BRWD3: variants seen among roughly 807,000 people sequenced by gnomAD.
BRWD3 encodes the protein bromodomain and WD repeat domain containing 3.
In BRWD3, 10 loss-of-function variants were observed where a neutral mutation model predicts 149.7. The ratio of observed to expected loss-of-function variants is 0.07; its 90% CI spans 0.04 to 0.11. The LOEUF is 0.11. BRWD3 is among the 10% of genes least tolerant of loss of function. The pLI is 1.00. For synonymous variants in BRWD3, 504 were observed against 456.7 expected (o/e 1.10, Z -1.32); for missense variants, 940 against 1,373.2 (o/e 0.68, Z 4.99).
chrX:80,766,770 G>A (rs775304535), intron 6 of BRWD3, among the ~76,000 whole-genome samples: 22 of 112,347 alleles, frequency 2.0e-4, no homozygotes, highest in Non-Finnish European at 3.0e-4. Flanking sequence ...TGGACAGTGG[G>A]TGCAGCCCTC....
intron 5 of BRWD3, among the ~76,000 whole-genome samples, 163 bp from the exon 6 acceptor site, chrX:80,792,115 A>T (rs952016896): frequency 8.9e-6 from 1 of 112,600 alleles, no homozygotes; most frequent in Non-Finnish European, 1.9e-5. Flanking sequence ...TATAAACTAA[A>T]TTTATAACTG....
intron 6 of BRWD3, among the ~76,000 whole-genome samples, chrX:80,767,261 A>T (rs960846130): frequency 8.9e-6 from 1 of 111,751 alleles, no homozygotes; most frequent in African/African-American, 3.3e-5. Context: ...AGGTTCCCTG[A>T]CCCCTGTGTA....
chrX:80,756,276 C>A (rs2073735546), intron 6 of BRWD3, among the ~76,000 whole-genome samples: 2 of 109,437 alleles, frequency 1.8e-5, no homozygotes, highest in African/African-American at 6.6e-5. Context: ...GTGAGGTGGG[C>A]AGATCACCTG....
chrX:80,695,338 A>G (rs960575813), intron 27 of BRWD3, among the ~76,000 whole-genome samples: 1 of 112,100 alleles, frequency 8.9e-6, no homozygotes, highest in African/African-American at 3.2e-5. Context: ...CTACAATTAG[A>G]TTTTTAAAAT....
At chrX:80,706,254 C>T (rs2072862999) in intron 22 of BRWD3, among the ~76,000 whole-genome samples, 1 of 110,325 alleles carries the variant, frequency 9.1e-6, no homozygotes. Context: ...GATTACAGGC[C>T]TCTGCCACCA....
At chrX:80,758,154 G>A (rs181404213) in intron 6 of BRWD3, among the ~76,000 whole-genome samples, 8 of 110,874 alleles carry the variant, frequency 7.2e-5, no homozygotes, top group East Asian at 2.8e-4. Context: ...AGCCAAGATC[G>A]CGCCATTGCA....
At chrX:80,802,528 G>T (rs182634498) in intron 4 of BRWD3, among the ~76,000 whole-genome samples, 1 of 108,694 alleles carries the variant, frequency 9.2e-6, no homozygotes. Context: ...TAACATCTGG[G>T]GTCATAGTTC....
chrX:80,721,816 G>C (rs776175317), intron 17 of BRWD3, among the ~76,000 whole-genome samples: 1 of 111,601 alleles, frequency 9.0e-6, no homozygotes, highest in Admixed American at 9.6e-5. Context: ...ACGAGGATAG[G>C]TAAATAGCTA....
At chrX:80,753,842 A>T (rs1289828927) in intron 6 of BRWD3, among the ~76,000 whole-genome samples, 1 of 110,475 alleles carries the variant, frequency 9.1e-6, no homozygotes, top group Non-Finnish European at 1.9e-5. Context: ...AAATATGTAG[A>T]TTTATTTCTG....
chrX:80,681,196 G>T, intron 40 of BRWD3, 145 bp downstream of exon 40: 1 of 542,195 alleles, frequency 1.8e-6, no homozygotes, highest in Non-Finnish European at 2.9e-6. Flanking sequence ...AATATGAAAT[G>T]CCATCTGACT....
chrX:80,808,506 G>C, intron 4 of BRWD3, 33 bp downstream of exon 4: 1 of 1,172,903 alleles, frequency 8.5e-7, no homozygotes, highest in African/African-American at 1.8e-5. Flanking sequence ...TGGTGAAAGA[G>C]TTAGGTTAAG....
At chrX:80,735,623 T>C (rs1248447206) in intron 9 of BRWD3, among the ~76,000 whole-genome samples, 1 of 109,685 alleles carries the variant, frequency 9.1e-6, no homozygotes, top group Non-Finnish European at 1.9e-5. Context: ...GCTAACACGG[T>C]GAAACCCTGT....
At chrX:80,727,403 A>G (rs1472895895) in intron 14 of BRWD3, among the ~76,000 whole-genome samples, 1 of 110,767 alleles carries the variant, frequency 9.0e-6, no homozygotes. Flanking sequence ...CACTTTTCCA[A>G]TTGTATCTGG....
chrX:80,734,305 A>G lies in BRWD3; in HGVS notation c.986-87T>C, dbSNP rs1432051438. 31 of 606,415 alleles carry G rather than the reference A, an allele frequency of 5.1e-5. No homozygotes were observed. The Admixed American group carries it at 7.6e-4, about 15-fold the overall frequency. 50.0% of individuals were successfully genotyped at this position (606,415 alleles called of 1,213,427 possible). A position where few individuals can be genotyped will look rare whatever the true frequency, so the allele number is the denominator to read the frequency against. ...CTTCCTTAGTTGTATGCTACCTTGC[A>G]TTAGTAAAAAGGCTTAAAGAAACAC... is the stretch of plus-strand genomic sequence containing the variant. On this transcript the variant is annotated intron_variant, in intron 10 of 40. Transcript: ENST00000373275.
At chrX:80,777,057 T>C (rs1305885770) in intron 6 of BRWD3, among the ~76,000 whole-genome samples, 1 of 107,015 alleles carries the variant, frequency 9.3e-6, no homozygotes. Flanking sequence ...TGGTCCTTAG[T>C]TGATTATGCT....
chrX:80,697,637 T>C (rs1333418525), intron 25 of BRWD3, among the ~76,000 whole-genome samples: 1 of 111,730 alleles, frequency 9.0e-6, no homozygotes, highest in East Asian at 2.8e-4. Context: ...ATCTATGCTG[T>C]TGTAAAGGCC....
At chrX:80,797,631 C>A (rs2147861895) in intron 4 of BRWD3, among the ~76,000 whole-genome samples, 1 of 111,654 alleles carries the variant, frequency 9.0e-6, no homozygotes, top group African/African-American at 3.2e-5. Context: ...AATACAGAAT[C>A]ATTAATGGTT....
chrX:80,809,718 AGT>A lies in BRWD3; in HGVS notation c.-249_-248del, dbSNP rs2074390415. 1.1e-4 allele frequency: 31 copies of A among 270,039 alleles called. No homozygotes were observed. The highest frequency in any genetic ancestry group is 4.7e-4 in the South Asian group (6 of 12,655). The allele number at this position is 270,039 out of a possible 1,213,427, so 22.3% of individuals were successfully genotyped here. ...GGGAGAGGGAGAGAGAGAGTGAGTG[AGT>A]GAGAGAGAGAGAGAGAAGAGAGAGA... On this transcript the variant is annotated 5_prime_UTR_variant, in exon 1 of 41. Transcript: ENST00000373275.
At chrX:80,797,160 T>C (rs1396050197) in intron 4 of BRWD3, among the ~76,000 whole-genome samples, 1 of 112,236 alleles carries the variant, frequency 8.9e-6, no homozygotes, top group Non-Finnish European at 1.9e-5. Flanking sequence ...TTAAAATATG[T>C]ATCTGGAAAA....
Sources: allele counts gnomAD v4.1 joint callset (sites outside exome capture counted in the v4.1 genomes callset), GRCh38; gene constraint gnomAD v4.1.1; transcripts MANE v1.5; gene names NCBI Gene and HGNC (gene_info 2026-07-23, HGNC 2026-07-21).